CLCA1: variants seen among roughly 807,000 people sequenced by gnomAD.
CLCA1 encodes calcium-activated chloride channel regulator 1.
Under a neutral mutation model 85.6 loss-of-function variants are expected in CLCA1, and 59 were observed. The observed-to-expected ratio is 0.69, with a 90% CI of 0.56 to 0.86. The LOEUF (loss-of-function observed/expected upper bound fraction) is 0.86, where lower values mean the gene tolerates loss of function less well. CLCA1 is among the 40% of genes least tolerant of loss of function. The probability of loss-of-function intolerance (pLI) is 0.00; values close to 1 mark genes in which losing one functional copy is unlikely to be tolerated. For synonymous variants in CLCA1, 396 were observed against 398.3 expected, an observed-to-expected ratio of 0.99 and a Z score of 0.07; for missense variants, 1,022 against 1,101.4, an observed-to-expected ratio of 0.93 and a Z score of 1.02.
At position 86,486,715 on chromosome 1, in the gene CLCA1, G is replaced by C. The variant is rs1647987295; in HGVS notation, c.1144G>C (p.Gly382Arg). Reference protein sequence around the residue: ...AKRLPAAASGGTSICSGLRSA... With the variant: ...AKRLPAAASGRTSICSGLRSA... ...AAGATTACCTGCAGCAGCTTCAGGA[G>C]GGACGTCCATCTGCAGCGGGCTTCG... The change falls in exon 7 of 14, where the codon GGG (glycine) becomes CGG (arginine). Residue 382 changes from glycine to arginine, a missense_variant. Physicochemically the swap from Gly to Arg is moderately radical, Grantham distance 125 (BLOSUM62 -2). Coordinates refer to ENST00000394711, the MANE Select transcript of CLCA1 (RefSeq NM_001285.4). 1 of 1,614,094 alleles carries C rather than the reference G, an allele frequency of 6.2e-7. No individual in the cohort carries two copies. Among genetic ancestry groups the C allele is most frequent in the Admixed American group, 1.7e-5 (1 of 60,010 alleles).
chr1:86,497,903 G>T (rs1648335245), intron 12 of CLCA1, among the ~76,000 whole-genome samples: 2 of 152,180 alleles, frequency 1.3e-5, no homozygotes, highest in African/African-American at 4.8e-5. Flanking sequence ...AGCACTTTGG[G>T]AGGCTGAGGC....
At chr1:86,484,683 G>A (rs183075272) in intron 5 of CLCA1, among the ~76,000 whole-genome samples, 1 of 152,286 alleles carries the variant, frequency 6.6e-6, no homozygotes, top group African/African-American at 2.4e-5. Context: ...TATTTCATTG[G>A]AGATGGAGAA....
chr1:86,493,612 C>T lies in CLCA1; in HGVS notation c.1680+13C>T, dbSNP rs1312950671. ...AGGCATTGCTAAGGTATGGAGTCAG[C>T]TTTTTTTCTTTCTCATAATTCAACA... On this transcript the variant is annotated intron_variant, in intron 10 of 13. Transcript: ENST00000394711. The T allele has an allele frequency of 1.3e-6, 2 of 1,577,862 alleles. No homozygotes were observed. Among genetic ancestry groups the T allele is most frequent in the African/African-American group, 2.7e-5 (2 of 73,916 alleles).
At chr1:86,495,748 G>C in intron 12 of CLCA1, 73 bp downstream of exon 12, 1 of 1,347,568 alleles carries the variant, frequency 7.4e-7, no homozygotes, top group Non-Finnish European at 1.0e-6. Context: ...TAAGCCTGTG[G>C]GGCAGAATGG....
At position 86,486,724 on chromosome 1, in the gene CLCA1, A is replaced by T. The variant is rs200291536; in HGVS notation, c.1153A>T (p.Ile385Phe). ...LPAAASGGTSICSGLRSAFTV... is the reference protein window; with the variant it reads ...LPAAASGGTSFCSGLRSAFTV... ...TGCAGCAGCTTCAGGAGGGACGTCCATCTGCAGCGGGCTTCGATCGGCATT... is the reference window on the plus strand; with the variant it reads ...TGCAGCAGCTTCAGGAGGGACGTCCTTCTGCAGCGGGCTTCGATCGGCATT... The change falls in exon 7 of 14, where the codon ATC becomes TTC. Residue 385 changes from isoleucine to phenylalanine, a missense_variant. Ile to Phe is a conservative substitution (Grantham distance 21). Coordinates refer to ENST00000394711, the MANE Select transcript of CLCA1 (RefSeq NM_001285.4). The T allele has an allele frequency of 1.2e-6, 2 of 1,614,124 alleles. No individual in the cohort carries two copies. Among genetic ancestry groups the T allele is most frequent in the South Asian group, 2.2e-5 (2 of 91,090 alleles).
chr1:86,485,877 T>C (rs751738927), intron 6 of CLCA1, among the ~76,000 whole-genome samples: 8 of 152,192 alleles, frequency 5.3e-5, no homozygotes, highest in Non-Finnish European at 1.2e-4. Flanking sequence ...GTTCTCATAC[T>C]GCTATAAAGA....
chr1:86,474,320 C>T (rs1647583684), intron 3 of CLCA1, among the ~76,000 whole-genome samples: 1 of 152,044 alleles, frequency 6.6e-6, no homozygotes, highest in African/African-American at 2.4e-5. Context: ...TTTAGGAGGC[C>T]GAGGCGGGCG....
At chr1:86,484,164 G>A (rs1214315769) in intron 5 of CLCA1, among the ~76,000 whole-genome samples, 2 of 152,134 alleles carry the variant, frequency 1.3e-5, no homozygotes, top group African/African-American at 4.8e-5. Context: ...GTGGGACACA[G>A]AGCCAAACCA....
rs1241166506 is a variant in CLCA1 at position 86,476,333 on chromosome 1, A to G, written c.452-115A>G. On this transcript the variant is annotated intron_variant, in intron 3 of 13. Coordinates refer to ENST00000394711, the MANE Select transcript of CLCA1 (RefSeq NM_001285.4). ...TAGATCTAAAGAAATCAAGTCTTTA[A>G]TTTAAAAAATTAACACAGCAAAGCA... The G allele has an allele frequency of 1.2e-5, 7 of 585,088 alleles. No individual in the cohort carries two copies. In the South Asian group the frequency reaches 1.5e-4, roughly 13 times the overall value. The allele number at this position is 585,088 out of a possible 1,614,324, so 36.2% of individuals were successfully genotyped here. A position where few individuals can be genotyped will look rare whatever the true frequency, so the allele number is the denominator to read the frequency against.
In CLCA1 at chr1:86,476,533, T is replaced by G. The variant is rs757057706; in HGVS notation, c.537T>G (p.Asn179Lys). 2.6e-6 allele frequency: 4 copies of G among 1,561,622 alleles called. No individual in the cohort carries two copies. The highest frequency in any genetic ancestry group is 3.5e-6 in the Non-Finnish European group (4 of 1,132,484). Residue 179 changes from asparagine (N) to lysine (K), a missense_variant, in exon 4 of 14, where the codon AAT becomes AAG. By Grantham distance (94) the Asn-to-Lys change is moderately conservative (BLOSUM62 0). Coordinates refer to ENST00000394711, the MANE Select transcript of CLCA1 (RefSeq NM_001285.4). ...YNNDEKFYLS[N>K]GRIQAVRCSA... ...ATGATGAGAAATTCTACTTATCCAA[T>G]GGAAGAATACAAGCAGTAAGGTATG...
At chr1:86,490,201 G>C (rs1205477474) in intron 8 of CLCA1, among the ~76,000 whole-genome samples, 1 of 152,160 alleles carries the variant, frequency 6.6e-6, no homozygotes, top group Non-Finnish European at 1.5e-5. Context: ...CTCTAGGTAG[G>C]GTGGCCCCTT....
At chr1:86,490,263 G>A (rs947580912) in intron 8 of CLCA1, among the ~76,000 whole-genome samples, 2 of 152,204 alleles carry the variant, frequency 1.3e-5, no homozygotes, top group Non-Finnish European at 2.9e-5. Flanking sequence ...AATGCCTAGA[G>A]CAGCTGGGAA....
chr1:86,488,753 GC>G (rs1648053912), intron 7 of CLCA1, among the ~76,000 whole-genome samples: 1 of 152,138 alleles, frequency 6.6e-6, no homozygotes, highest in African/African-American at 2.4e-5. Context: ...CCCTAGAGTT[GC>G]CCTGCATCCC....
At position 86,498,672 on chromosome 1, in the gene CLCA1, G is replaced by A. The variant is rs766862671; in HGVS notation, c.2214G>A (p.Val738=). 4 of 1,613,996 alleles carry A rather than the reference G, an allele frequency of 2.5e-6. No homozygotes were observed. Among genetic ancestry groups the A allele is most frequent in the Non-Finnish European group, 2.5e-6 (3 of 1,180,026 alleles). Residue 738 remains valine, a synonymous_variant, in exon 13 of 14, where the codon GTG becomes GTA. Transcript: ENST00000394711. ...GAACATCCTCGGGAGGCTCATTTGTGGCTTCTGATGTCCCAAATGCTCCCA... is the reference window on the plus strand; with the variant it reads ...GAACATCCTCGGGAGGCTCATTTGTAGCTTCTGATGTCCCAAATGCTCCCA... ...FSRTSSGGSF[V]ASDVPNAPIP...
intron 9 of CLCA1, 131 bp from the exon 10 acceptor site, chr1:86,493,252 TA>T: frequency 1.5e-6 from 1 of 685,840 alleles, no homozygotes; most frequent in Non-Finnish European, 2.5e-6. Flanking sequence ...TAATTGCTCC[TA>T]ACACCAAATC....
chr1:86,477,418 A>G (rs1647702010), intron 4 of CLCA1, among the ~76,000 whole-genome samples: 1 of 152,222 alleles, frequency 6.6e-6, no homozygotes, highest in African/African-American at 2.4e-5. Flanking sequence ...GAAATCAAGT[A>G]CAACACTTGG....
At chr1:86,480,894 T>C (rs781537143) in intron 4 of CLCA1, among the ~76,000 whole-genome samples, 1 of 152,158 alleles carries the variant, frequency 6.6e-6, no homozygotes, top group Non-Finnish European at 1.5e-5. Flanking sequence ...TGTAAGGAAA[T>C]GATAGAGCAG....
At chr1:86,496,167 G>A (rs750677472) in intron 12 of CLCA1, among the ~76,000 whole-genome samples, 4 of 152,162 alleles carry the variant, frequency 2.6e-5, no homozygotes, top group African/African-American at 7.2e-5. Context: ...ACTGTTACTG[G>A]TAAATAGTGT....
rs761975408 is a variant in CLCA1 at position 86,493,416 on chromosome 1, C to T, written c.1497C>T (p.Ser499=). The change falls in exon 10 of 14, where the codon AGC becomes AGT. Residue 499 remains serine, a synonymous_variant. Coordinates refer to ENST00000394711, the MANE Select transcript of CLCA1 (RefSeq NM_001285.4). ...LESKGLTLQN[S]QWMNGTVIVD... ...GTAAGGGATTAACCCTCCAGAACAG[C>T]CAGTGGATGAATGGCACAGTGATCG... 2 of 1,613,842 alleles carry T rather than the reference C, an allele frequency of 1.2e-6. No individual in the cohort carries two copies. Among genetic ancestry groups the T allele is most frequent in the African/African-American group, 1.3e-5 (1 of 74,892 alleles).
Sources: gnomAD v4.1 joint callset for allele counts (sites outside exome capture counted in the v4.1 genomes callset) on GRCh38, gnomAD v4.1.1 for gene constraint, MANE v1.5 for transcripts, NCBI Gene and HGNC (gene_info 2026-07-23, HGNC 2026-07-21) for gene names.